Variants in CSMD1 observed in about 807,000 individuals in gnomAD.
CSMD1 encodes CUB and sushi domain-containing protein 1.
Under a neutral mutation model 417.5 loss-of-function variants are expected in CSMD1, and 213 were observed. The observed-to-expected ratio is 0.51, with a 90% CI of 0.46 to 0.57. CSMD1 has a LOEUF of 0.57. CSMD1 is among the 20% of genes least tolerant of loss of function. The pLI, the probability that CSMD1 is intolerant of heterozygous loss-of-function variation, is 0.00. For synonymous variants in CSMD1, 2,862 were observed against 1,736.8 expected (o/e 1.65, Z -16.11); for missense variants, 6,923 against 4,529.7 (o/e 1.53, Z -15.17).
At chr8:4,119,645 GAAGCACAC>G (rs1245607974) in intron 3 of CSMD1, among the ~76,000 whole-genome samples, 1 of 152,156 alleles carries the variant, frequency 6.6e-6, no homozygotes, top group African/African-American at 2.4e-5. Flanking sequence ...GAGGAACAAG[GAAGCACAC>G]AAGCACACAC....
chr8:4,491,256 T>G (rs1430668619), intron 2 of CSMD1, among the ~76,000 whole-genome samples: 11 of 152,078 alleles, frequency 7.2e-5, no homozygotes, highest in Non-Finnish European at 1.6e-4. Flanking sequence ...GAAATGAATT[T>G]AGAGAGACCA....
chr8:3,209,609 G>T (rs1306388852), intron 30 of CSMD1, among the ~76,000 whole-genome samples: 1 of 152,178 alleles, frequency 6.6e-6, no homozygotes, highest in African/African-American at 2.4e-5. Context: ...GTGAGCCACT[G>T]CACTCGGCTA....
intron 2 of CSMD1, among the ~76,000 whole-genome samples, chr8:4,446,483 G>T (rs1469846732): frequency 6.6e-6 from 1 of 152,158 alleles, no homozygotes. Context: ...GGAGACTGAG[G>T]CTGCAGGGAT....
At chr8:4,846,383 G>C (rs1195752522) in intron 1 of CSMD1, among the ~76,000 whole-genome samples, 1 of 152,158 alleles carries the variant, frequency 6.6e-6, no homozygotes, top group Non-Finnish European at 1.5e-5. Flanking sequence ...CTGACATGGT[G>C]GTTTTCCTAA....
intron 3 of CSMD1, among the ~76,000 whole-genome samples, chr8:4,403,821 T>C (rs993451751): frequency 3.9e-5 from 6 of 152,180 alleles, no homozygotes; most frequent in South Asian, 2.1e-4. Context: ...GCTGCTCAAA[T>C]GGCATCTGCC....
chr8:4,012,463 G>A (rs971955530), intron 4 of CSMD1, among the ~76,000 whole-genome samples: 2 of 152,208 alleles, frequency 1.3e-5, no homozygotes, highest in South Asian at 2.1e-4. Flanking sequence ...GGGTACACAT[G>A]CAGGTTTGTT....
At chr8:4,941,770 C>G (rs1808019458) in intron 1 of CSMD1, among the ~76,000 whole-genome samples, 1 of 151,934 alleles carries the variant, frequency 6.6e-6, no homozygotes, top group African/African-American at 2.4e-5. Context: ...GACTGATTTT[C>G]AATTCTTTTG....
At chr8:4,115,716 T>A (rs1232662538) in intron 3 of CSMD1, among the ~76,000 whole-genome samples, 1 of 152,210 alleles carries the variant, frequency 6.6e-6, no homozygotes, top group East Asian at 1.9e-4. Context: ...GAATAAACTG[T>A]GGGACATCCT....
intron 1 of CSMD1, among the ~76,000 whole-genome samples, chr8:4,745,157 C>A (rs1810871532): frequency 6.6e-6 from 1 of 151,950 alleles, no homozygotes; most frequent in South Asian, 2.1e-4. Context: ...TTAGATTTAT[C>A]TTATGTAGGT....
At chr8:3,727,757 C>A (rs898184149) in intron 6 of CSMD1, among the ~76,000 whole-genome samples, 2 of 152,044 alleles carry the variant, frequency 1.3e-5, no homozygotes, top group African/African-American at 4.8e-5. Flanking sequence ...TGTGATCTGA[C>A]CATATAATCG....
chr8:4,532,845 G>T (rs1796902102), intron 2 of CSMD1, among the ~76,000 whole-genome samples: 1 of 148,304 alleles, frequency 6.7e-6, no homozygotes, highest in African/African-American at 2.5e-5. Context: ...CTCCGGAAAA[G>T]AAATGTTGCA....
intron 54 of CSMD1, among the ~76,000 whole-genome samples, chr8:2,987,012 G>A (rs116191967): frequency 0.027 from 4,102 of 152,074 alleles, 189 homozygotes; most frequent in African/African-American, 0.093. Flanking sequence ...AGAGACTCTT[G>A]CAAGTACATT....
chr8:4,936,425 T>C (rs944785214), intron 1 of CSMD1, among the ~76,000 whole-genome samples: 7 of 152,304 alleles, frequency 4.6e-5, no homozygotes, highest in Middle Eastern at 3.4e-3. Flanking sequence ...TTGATATAAA[T>C]AGAAAAAAAT....
At chr8:3,749,435 A>G (rs2720848) in intron 6 of CSMD1, among the ~76,000 whole-genome samples, 151,557 of 152,316 alleles carry the variant, frequency 1, 75,404 homozygotes, top group East Asian at 1. Context: ...ACTGCTTCTG[A>G]CATGACTTGA....
At chr8:4,954,469 T>C (rs1038666904) in intron 1 of CSMD1, among the ~76,000 whole-genome samples, 2 of 152,324 alleles carry the variant, frequency 1.3e-5, no homozygotes, top group Middle Eastern at 3.4e-3. Context: ...ATTTGAATGA[T>C]GACTGAAATT....
chr8:4,920,899 A>AGAG (rs1563768823), intron 1 of CSMD1, among the ~76,000 whole-genome samples: 2 of 62,294 alleles, frequency 3.2e-5, no homozygotes, highest in Non-Finnish European at 7.9e-5. Flanking sequence ...AAGAAAAGAA[A>AGAG]AGAAAAGAAA....
intron 4 of CSMD1, among the ~76,000 whole-genome samples, chr8:4,019,248 C>G (rs946437264): frequency 1.3e-5 from 2 of 152,222 alleles, no homozygotes; most frequent in African/African-American, 2.4e-5. Flanking sequence ...CAGAGGCACT[C>G]TCTCTTACAG....
At chr8:3,380,933 A>G (rs897037223) in intron 18 of CSMD1, among the ~76,000 whole-genome samples, 5 of 152,178 alleles carry the variant, frequency 3.3e-5, no homozygotes, top group African/African-American at 7.2e-5. Context: ...ATATTTTAAA[A>G]AGTAAGTTAC....
chr8:4,611,554 G>A (rs1234893732), intron 2 of CSMD1, among the ~76,000 whole-genome samples: 1 of 152,134 alleles, frequency 6.6e-6, no homozygotes, highest in Non-Finnish European at 1.5e-5. Flanking sequence ...TTGCCAAATT[G>A]CCTTCCCAGA....
Sources: gnomAD v4.1 joint callset for allele counts (sites outside exome capture counted in the v4.1 genomes callset) on GRCh38, gnomAD v4.1.1 for gene constraint, MANE v1.5 for transcripts, NCBI Gene and HGNC (gene_info 2026-07-23, HGNC 2026-07-21) for gene names.